Variants in LRRK1 observed in about 807,000 individuals in gnomAD.
LRRK1 encodes the protein leucine rich repeat kinase 1.
Under a neutral mutation model 209.1 loss-of-function variants are expected in LRRK1, and 113 were observed. The ratio of observed to expected loss-of-function variants is 0.54; its 90% confidence interval spans 0.46 to 0.63. The LOEUF (loss-of-function observed/expected upper bound fraction) is 0.63, where lower values mean the gene tolerates loss of function less well. LRRK1 is among the 30% of genes least tolerant of loss of function. The pLI is 0.00. For synonymous variants in LRRK1, 1,144 were observed against 1,099.7 expected (o/e 1.04, Z -0.80); for missense variants, 2,284 against 2,632.2 (o/e 0.87, Z 2.89).
chr15:100,994,200 G>A (rs2032294073), intron 6 of LRRK1, among the ~76,000 whole-genome samples: 1 of 152,168 alleles, frequency 6.6e-6, no homozygotes, highest in African/African-American at 2.4e-5. Context: ...AAGACATTAC[G>A]TTATTTGTCC....
At chr15:100,931,257 C>T (rs2042206491) in intron 2 of LRRK1, among the ~76,000 whole-genome samples, 1 of 152,204 alleles carries the variant, frequency 6.6e-6, no homozygotes, top group African/African-American at 2.4e-5. Context: ...TGGCGACATC[C>T]TCTCATCCTC....
At chr15:100,972,363 AGTGTGTGT>A (rs139709615) in intron 2 of LRRK1, among the ~76,000 whole-genome samples, 67 of 98,488 alleles carry the variant, frequency 6.8e-4, no homozygotes, top group Admixed American at 1.0e-3. Context: ...AGAGAGAGAG[AGTGTGTGT>A]GTGTGTGTGT....
chr15:100,962,824 T>TACATATATATA (rs1555461505), intron 2 of LRRK1, among the ~76,000 whole-genome samples: 1 of 8,442 alleles, frequency 1.2e-4, no homozygotes. Context: ...TATATATATA[T>TACATATATATA]TTTTTTTTTT....
At chr15:100,972,363 A>AGAGAGAGAGAGTGT (rs1176201849) in intron 2 of LRRK1, among the ~76,000 whole-genome samples, 14 of 98,472 alleles carry the variant, frequency 1.4e-4, no homozygotes, top group Middle Eastern at 4.6e-3. Flanking sequence ...AGAGAGAGAG[A>AGAGAGAGAGAGTGT]GTGTGTGTGT....
At chr15:101,059,294 A>AGGCTGAGGCAGGAGGATTACT in intron 29 of LRRK1, among the ~76,000 whole-genome samples, 1 of 152,280 alleles carries the variant, frequency 6.6e-6, no homozygotes, top group Non-Finnish European at 1.5e-5. Flanking sequence ...GCTACTCAGG[A>AGGCTGAGGCAGGAGGATTACT]GGCTGAGGCA....
Position 101,024,128 on chromosome 15 carries a change from C to G in LRRK1, c.2068-675C>G, listed in dbSNP as rs1246360510. The stretch of plus-strand genomic sequence containing the variant: ...GCTGAGCCCGCCGCTCTCTCTGTGG[C>G]CGGCCTCAGCCAGTTGAGAACAGCT... On this transcript the variant is annotated intron_variant, in intron 15 of 33. Coordinates refer to ENST00000388948, the MANE Select transcript of LRRK1 (RefSeq NM_024652.6). The surrounding 1 kb of genome is among the most constrained non-coding windows in gnomAD (Gnocchi z 4.6). Among the ~76,000 whole-genome samples, 3 of 152,172 alleles carry G rather than the reference C, an allele frequency of 2.0e-5. No individual in the cohort carries two copies. The highest frequency in any genetic ancestry group is 4.8e-5 in the African/African-American group (2 of 41,444).
chr15:100,979,379 A>G (rs1201982983), intron 3 of LRRK1, among the ~76,000 whole-genome samples: 1 of 152,214 alleles, frequency 6.6e-6, no homozygotes, highest in African/African-American at 2.4e-5. Flanking sequence ...AGCAACTATA[A>G]TATCATTGTA....
rs199817137 is a variant in LRRK1, at chr15:101,026,015, A to C, written c.2283A>C (p.Leu761Phe). ...TGGTGGTCGGGACGCACCTGGATTT[A>C]ATTGAAGCCAAGTTCCGTGTGGAAA... ...VVLVVGTHLDLIEAKFRVERI... is the reference protein window; with the variant it reads ...VVLVVGTHLDFIEAKFRVERI... The change falls in exon 17 of 34, where the codon TTA becomes TTC. Residue 761 changes from leucine (L) to phenylalanine (F), a missense_variant. Leu to Phe is a conservative substitution (Grantham distance 22, BLOSUM62 0). This residue lies in a region of LRRK1 where 780 missense variants were observed against 985.2 expected (regional missense o/e 0.79). Transcript: ENST00000388948. The C allele has an allele frequency of 2.8e-5, 45 of 1,614,088 alleles. No individual in the cohort carries two copies. Among genetic ancestry groups the C allele is most frequent in the Non-Finnish European group, 3.7e-5 (44 of 1,180,048 alleles).
At chr15:100,948,173 T>A (rs1300877869) in intron 2 of LRRK1, among the ~76,000 whole-genome samples, 2 of 152,236 alleles carry the variant, frequency 1.3e-5, no homozygotes, top group African/African-American at 4.8e-5. Flanking sequence ...TGTCTTGTTA[T>A]GCATGTAGGT....
At chr15:100,962,794 C>CATAT (rs769399875) in intron 2 of LRRK1, among the ~76,000 whole-genome samples, 2 of 39,406 alleles carry the variant, frequency 5.1e-5, no homozygotes, top group Admixed American at 3.6e-4. Flanking sequence ...TTTCATTTTG[C>CATAT]ATATATATAT....
At position 101,027,327 on chromosome 15, in the gene LRRK1, C is replaced by T. The variant is rs201411182; in HGVS notation, c.2472C>T (p.Cys824=). 5 of 1,614,110 alleles carry T rather than the reference C, an allele frequency of 3.1e-6. No homozygotes were observed. The East Asian group carries it at 6.7e-5, about 22-fold the overall frequency. The change falls in exon 18 of 34, where the codon TGC becomes TGT. Residue 824 remains cysteine, a synonymous_variant. Transcript: ENST00000388948. The surrounding 1 kb of genome is among the most constrained non-coding windows in gnomAD (Gnocchi z 5.1). ...GACAGCTGATTTTCCACGTCACGTGCAGCATGAAGGACGTGGGCAGCACCA... is the reference window on the plus strand; with the variant it reads ...GACAGCTGATTTTCCACGTCACGTGTAGCATGAAGGACGTGGGCAGCACCA... ...GLRQLIFHVT[C]SMKDVGSTIG...
intron 2 of LRRK1, among the ~76,000 whole-genome samples, chr15:100,927,187 G>T (rs1387707528): frequency 6.6e-6 from 1 of 152,174 alleles, no homozygotes; most frequent in Non-Finnish European, 1.5e-5. Flanking sequence ...GGTCCCCAGG[G>T]ATCCCCCGTT....
chr15:100,942,845 G>A (rs2042467961), intron 2 of LRRK1, among the ~76,000 whole-genome samples: 1 of 152,126 alleles, frequency 6.6e-6, no homozygotes, highest in South Asian at 2.1e-4. Context: ...TCCTCATGAG[G>A]CCTCTCTGCT....
chr15:101,046,257 C>T (rs2035070731), intron 21 of LRRK1, 105 bp downstream of exon 21: 2 of 1,254,610 alleles, frequency 1.6e-6, no homozygotes, highest in East Asian at 5.1e-5. Context: ...GCCTGGAGAC[C>T]CTTCTCCTAG....
chr15:100,970,272 T>C (rs2141648084), intron 2 of LRRK1, among the ~76,000 whole-genome samples: 1 of 152,324 alleles, frequency 6.6e-6, no homozygotes, highest in Non-Finnish European at 1.5e-5. Context: ...CTATTGTAAA[T>C]AGTGCTGTAA....
chr15:101,067,421 A>ATGTGTGTGTGTGTGTGTGTGTGTG (rs57333844), intron 33 of LRRK1: 1 of 289,152 alleles, frequency 3.5e-6, no homozygotes, highest in Admixed American at 3.4e-5. Flanking sequence ...CTCAGTTCAA[A>ATGTGTGTGTGTGTGTGTGTGTGTG]TGTGTGTGTG....
In LRRK1 at chr15:101,009,029, G is replaced by C. The variant is rs1261488928; in HGVS notation, c.955G>C (p.Gly319Arg). ...LSDNHLGELP[G>R]VQSSDEIICS... is the part of the protein sequence containing the mutation. ...CGACAACCACCTGGGGGAGCTGCCTGGCGTGCAGTCATCGGACGAAATCAT... is the reference window on the plus strand; with the variant it reads ...CGACAACCACCTGGGGGAGCTGCCTCGCGTGCAGTCATCGGACGAAATCAT... The change falls in exon 7 of 34, where the codon GGC (glycine) becomes CGC (arginine). Residue 319 changes from glycine to arginine, a missense_variant. Physicochemically the swap from Gly to Arg is moderately radical, Grantham distance 125. This residue lies in a region of LRRK1 where 494 missense variants were observed against 522.1 expected (regional missense o/e 0.95). Coordinates refer to ENST00000388948, the MANE Select transcript of LRRK1 (RefSeq NM_024652.6). The C allele has an allele frequency of 1.9e-6, 3 of 1,614,216 alleles. No homozygotes were observed. In the East Asian group the frequency reaches 6.7e-5, roughly 36 times the overall value.
intron 3 of LRRK1, among the ~76,000 whole-genome samples, chr15:100,980,768 T>C (rs974168146): frequency 1.3e-5 from 2 of 152,186 alleles, no homozygotes; most frequent in Non-Finnish European, 2.9e-5. Flanking sequence ...AGTTAATCTG[T>C]GGTGTTAGAA....
intron 20 of LRRK1, among the ~76,000 whole-genome samples, chr15:101,034,665 T>C (rs1389600871): frequency 6.6e-6 from 1 of 152,212 alleles, no homozygotes; most frequent in Non-Finnish European, 1.5e-5. Flanking sequence ...AGCTTTGTAG[T>C]ATATTTTGAA....
Sources: allele counts gnomAD v4.1 joint callset (sites outside exome capture counted in the v4.1 genomes callset), GRCh38; gene constraint gnomAD v4.1.1; regional missense constraint gnomAD v4.1.1; non-coding constraint Gnocchi (gnomAD v3.1); transcripts MANE v1.5; gene names NCBI Gene and HGNC (gene_info 2026-07-23, HGNC 2026-07-21).